BCAT2: variants seen among roughly 807,000 people sequenced by gnomAD.
The protein encoded by BCAT2 is branched chain amino acid transaminase 2.
In BCAT2, 44 loss-of-function variants were observed where a neutral mutation model predicts 52.9. The ratio of observed to expected loss-of-function variants is 0.83; its 90% CI spans 0.65 to 1.07. The LOEUF (loss-of-function observed/expected upper bound fraction) is 1.07, where lower values mean the gene tolerates loss of function less well. Among genes scored for constraint, BCAT2 ranks in the 50% least tolerant of loss-of-function variants. BCAT2 has a pLI of 0.00. For missense variants in BCAT2, 478 were observed against 521.8 expected (o/e 0.92, Z 0.82); for synonymous variants, 215 against 217.1 (o/e 0.99, Z 0.08).
At chr19:48,806,779 T>TC (rs2034793978) in intron 2 of BCAT2, 62 bp from the exon 3 acceptor site, 1 of 1,579,400 alleles carries the variant, frequency 6.3e-7, no homozygotes. Flanking sequence ...AAACTACAAC[T>TC]CCCATGAAGC....
At chr19:48,806,811 G>A in intron 2 of BCAT2, 94 bp from the exon 3 acceptor site, 1 of 1,491,922 alleles carries the variant, frequency 6.7e-7, no homozygotes, top group Non-Finnish European at 9.2e-7. Context: ...GACCCATAGA[G>A]AAGAAGGACC....
intron 10 of BCAT2, 137 bp from the exon 11 acceptor site, chr19:48,795,601 C>A: frequency 2.1e-6 from 2 of 964,210 alleles, no homozygotes; most frequent in East Asian, 2.7e-5. Flanking sequence ...TCCCAGAGGG[C>A]CCCAACAATG....
chr19:48,798,636 T>A lies in BCAT2; in HGVS notation c.695+1039A>T, dbSNP rs537497339. On this transcript the variant is annotated intron_variant, in intron 6 of 10. Coordinates refer to ENST00000316273, the MANE Select transcript of BCAT2 (RefSeq NM_001190.4). ...CCTCCTCTGCGAAACCTTTCTTTTT[T>A]TTTTTTGAGATGGAGTTTCGCTCTG... 2.0e-5 allele frequency among the ~76,000 whole-genome samples: 3 copies of A among 151,950 alleles called. No homozygotes were observed. In the South Asian group the frequency reaches 6.3e-4, roughly 32 times the overall value.
chr19:48,803,269 A>G (rs2034695200), intron 3 of BCAT2, among the ~76,000 whole-genome samples: 2 of 152,162 alleles, frequency 1.3e-5, no homozygotes, highest in Admixed American at 6.5e-5. Context: ...CTGCAATCCC[A>G]GGACTTTGGG....
At chr19:48,803,088 G>A (rs1055989626) in intron 3 of BCAT2, among the ~76,000 whole-genome samples, 19 of 152,166 alleles carry the variant, frequency 1.2e-4, no homozygotes, top group Non-Finnish European at 2.4e-4. Flanking sequence ...CTAGCCACTC[G>A]GGAGGCAGAG....
chr19:48,808,577 G>A (rs917769631), intron 1 of BCAT2, among the ~76,000 whole-genome samples: 2 of 150,840 alleles, frequency 1.3e-5, no homozygotes, highest in African/African-American at 4.9e-5. Flanking sequence ...GGCAACATAG[G>A]GAGACCCTGT....
intron 8 of BCAT2, 51 bp downstream of exon 8, chr19:48,796,886 C>A (rs888990950): frequency 1.9e-6 from 3 of 1,605,916 alleles, no homozygotes; most frequent in African/African-American, 2.7e-5. Context: ...CCCTCTGATG[C>A]CCTGGCCCCT....
At chr19:48,802,341 C>T (rs998536313) in intron 3 of BCAT2, among the ~76,000 whole-genome samples, 3 of 151,118 alleles carry the variant, frequency 2.0e-5, no homozygotes, top group African/African-American at 7.3e-5. Flanking sequence ...ATCAAGATTA[C>T]AAGCATACAT....
chr19:48,810,737 T>C (rs1262937221), intron 1 of BCAT2: 15 of 49,938 alleles, frequency 3.0e-4, no homozygotes, highest in South Asian at 5.1e-4. Flanking sequence ...CATGTTTCCC[T>C]TTTTTTTTTT....
chr19:48,805,281 G>A (rs767249442), intron 3 of BCAT2, among the ~76,000 whole-genome samples: 1 of 152,046 alleles, frequency 6.6e-6, no homozygotes, highest in Non-Finnish European at 1.5e-5. Flanking sequence ...CCACAAAGCC[G>A]CTCCTCCTCC....
In BCAT2 at chr19:48,800,192, G is replaced by A; in HGVS notation, c.406C>T (p.Leu136=). The A allele has an allele frequency of 6.2e-7, 1 of 1,613,494 alleles. No homozygotes were observed. Among genetic ancestry groups the A allele is most frequent in the Non-Finnish European group, 8.5e-7 (1 of 1,179,868 alleles). Residue 136 remains leucine (L), a synonymous_variant, in exon 4 of 11, where the codon CTG becomes TTG. Transcript: ENST00000316273. ...GGTGGACCGGGACCCCTCACCGGCAGGCACAGGCGCATGGCTGAGCGCAGC... is the reference window on the plus strand; with the variant it reads ...GGTGGACCGGGACCCCTCACCGGCAAGCACAGGCGCATGGCTGAGCGCAGC... The part of the protein sequence containing the change: ...RMLRSAMRLC[L]PSFDKLELLE...
chr19:48,796,557 A>G, intron 9 of BCAT2, 21 bp downstream of exon 9: 1 of 1,607,396 alleles, frequency 6.2e-7, no homozygotes, highest in Non-Finnish European at 8.5e-7. Flanking sequence ...CCTCCCACCC[A>G]CAATGGCAGC....
chr19:48,795,489 T>G (rs1555772899), intron 10 of BCAT2, 25 bp from the exon 11 acceptor site: 2 of 1,612,996 alleles, frequency 1.2e-6, no homozygotes, highest in Admixed American at 1.7e-5. Context: ...AGGCAGTGCG[T>G]GAGGTGGAAG....
chr19:48,799,658 ATGGGGG>A lies in BCAT2; in HGVS notation c.695+11_695+16del. 1 of 1,554,472 alleles carries A rather than the reference ATGGGGG, an allele frequency of 6.4e-7. No homozygotes were observed. The highest frequency in any genetic ancestry group is 8.7e-7 in the Non-Finnish European group (1 of 1,153,892). On this transcript the variant is annotated intron_variant, in intron 6 of 10. Transcript: ENST00000316273. This position sits in a 1 kb window ranked among gnomAD's most constrained non-coding sequence, Gnocchi z 5.5. ...GCCCAGTGCGCCAGTCGTTCTGGGG[ATGGGGG>A]TGCTACTTACCCACCTAACTTGTAG... is the stretch of plus-strand genomic sequence containing the variant.
At chr19:48,810,942 C>A in intron 1 of BCAT2, 42 bp downstream of exon 1, 2 of 1,601,876 alleles carry the variant, frequency 1.2e-6, no homozygotes, top group South Asian at 2.2e-5. Flanking sequence ...GTGCGCCTCC[C>A]CCGGTTATTT....
chr19:48,810,280 G>A (rs1428035624), intron 1 of BCAT2, among the ~76,000 whole-genome samples: 2 of 152,290 alleles, frequency 1.3e-5, no homozygotes, highest in East Asian at 3.9e-4. Context: ...GTGAAGGCTT[G>A]TAATGACCCC....
chr19:48,810,945 G>A lies in BCAT2; in HGVS notation c.24+39C>T, dbSNP rs370553628. 6.7e-5 allele frequency: 107 copies of A among 1,602,948 alleles called. No individual in the cohort carries two copies. The African/African-American group carries it at 1.3e-3, about 20-fold the overall frequency. ...GTCTTCCCGGAAGTGCGCCTCCCCC[G>A]GTTATTTCCCAGACCCCGGCGCGGG... On this transcript the variant is annotated intron_variant, in intron 1 of 10. Transcript: ENST00000316273.
rs1050781893 is a variant in BCAT2, at chr19:48,810,862, G to T, written c.24+122C>A. 5 of 1,528,800 alleles carry T rather than the reference G, an allele frequency of 3.3e-6. No individual in the cohort carries two copies. The African/African-American group carries it at 4.3e-5, about 13-fold the overall frequency. 94.7% of individuals were successfully genotyped at this position (1,528,800 alleles called of 1,614,324 possible). ...AGGGCGCCATCCTCCTCCGCGCCCT[G>T]CAGCGGAACCCCAGGGCGGGAGGAG... On this transcript the variant is annotated intron_variant, in intron 1 of 10. Coordinates refer to ENST00000316273, the MANE Select transcript of BCAT2 (RefSeq NM_001190.4).
chr19:48,795,603 C>G, intron 10 of BCAT2, 139 bp from the exon 11 acceptor site: 1 of 951,454 alleles, frequency 1.1e-6, no homozygotes, highest in Non-Finnish European at 1.6e-6. Flanking sequence ...CCAGAGGGCC[C>G]CAACAATGAT....
Sources: gnomAD v4.1 joint callset for allele counts (sites outside exome capture counted in the v4.1 genomes callset) on GRCh38, gnomAD v4.1.1 for gene constraint, Gnocchi (gnomAD v3.1) non-coding constraint, MANE v1.5 for transcripts, NCBI Gene and HGNC (gene_info 2026-07-23, HGNC 2026-07-21) for gene names.